Variants in EXT2 observed in about 807,000 individuals in gnomAD.
EXT2 encodes the protein exostosin-2.
EXT2 carries 53 observed loss-of-function variants against 81.6 expected under a neutral mutation model. That is an observed-to-expected ratio of 0.65 (90% CI 0.52 to 0.82). The LOEUF is 0.82. Among genes scored for constraint, EXT2 ranks in the 40% least tolerant of loss-of-function variants. EXT2 has a pLI of 0.00. For missense variants in EXT2, 774 were observed against 910.2 expected (o/e 0.85, Z 1.93); for synonymous variants, 320 against 340.0 (o/e 0.94, Z 0.65).
intron 7 of EXT2, among the ~76,000 whole-genome samples, chr11:44,169,877 C>T (rs1590616903): frequency 6.6e-6 from 1 of 152,056 alleles, no homozygotes; most frequent in East Asian, 1.9e-4. Flanking sequence ...TCGCAATAGA[C>T]AAGCTTTGAG....
Position 44,246,879 on chromosome 11 carries a change from C to T in EXT2, c.*2592C>T, listed in dbSNP as rs563742256. On this transcript the variant is annotated 3_prime_UTR_variant, in exon 14 of 14. Coordinates refer to ENST00000533608, the MANE Select transcript of EXT2 (RefSeq NM_207122.2). The stretch of plus-strand genomic sequence containing the variant: ...AGAACAATCATGCTAATTAAAATGT[C>T]GTGTTCTGGCCTACAGCAGACAACA... Among the ~76,000 whole-genome samples, 13 of 152,306 alleles carry T rather than the reference C, an allele frequency of 8.5e-5. No homozygotes were observed. Among genetic ancestry groups the T allele is most frequent in the Non-Finnish European group, 1.5e-4 (10 of 68,016 alleles).
At chr11:44,131,979 G>A (rs1039224159) in intron 7 of EXT2, among the ~76,000 whole-genome samples, 33 of 152,222 alleles carry the variant, frequency 2.2e-4, no homozygotes, top group African/African-American at 7.7e-4. Context: ...CAAGTGATCC[G>A]CCCGCCTCGG....
At chr11:44,166,275 G>T (rs1374527369) in intron 7 of EXT2, among the ~76,000 whole-genome samples, 1 of 152,190 alleles carries the variant, frequency 6.6e-6, no homozygotes, top group African/African-American at 2.4e-5. Context: ...ATCAGTAAAG[G>T]TTTCATAGGG....
At chr11:44,097,681 C>T (rs2134937511) in intron 1 of EXT2, among the ~76,000 whole-genome samples, 1 of 151,902 alleles carries the variant, frequency 6.6e-6, no homozygotes, top group South Asian at 2.1e-4. Flanking sequence ...ATCCCAGCTA[C>T]TTGGGAGGCT....
intron 6 of EXT2, among the ~76,000 whole-genome samples, chr11:44,128,430 T>C (rs1171011635): frequency 3.3e-5 from 5 of 152,222 alleles, no homozygotes; most frequent in Non-Finnish European, 7.3e-5. Context: ...ATTAAGTACC[T>C]TTTATTTACC....
intron 8 of EXT2, among the ~76,000 whole-genome samples, chr11:44,184,612 G>A (rs963588778): frequency 4.6e-5 from 7 of 152,134 alleles, no homozygotes; most frequent in African/African-American, 1.7e-4. Context: ...TTAGCTGGGC[G>A]TGGTGGCGGG....
In EXT2 at chr11:44,176,396, T is replaced by C. The variant is rs113710962; in HGVS notation, c.1305+4654T>C. On this transcript the variant is annotated intron_variant, in intron 8 of 13. Coordinates refer to ENST00000533608, the MANE Select transcript of EXT2 (RefSeq NM_207122.2). ...ACAGAATGGTCAAAGTGCTAAACTC[T>C]TAACAATTTGAGAGGTAACATAAGC... Among the ~76,000 whole-genome samples the C allele has an allele frequency of 7.6e-4, 116 of 152,350 alleles. 1 individual carries two copies. Among genetic ancestry groups the C allele is most frequent in the Non-Finnish European group, 1.4e-3 (95 of 68,030 alleles).
chr11:44,177,292 A>G (rs1386346810), intron 8 of EXT2, among the ~76,000 whole-genome samples: 1 of 152,198 alleles, frequency 6.6e-6, no homozygotes, highest in East Asian at 1.9e-4. Context: ...CAGTCTCTTC[A>G]TGCTTTTATT....
chr11:44,126,199 A>C (rs1254959348), intron 5 of EXT2, among the ~76,000 whole-genome samples: 1 of 152,170 alleles, frequency 6.6e-6, no homozygotes, highest in Non-Finnish European at 1.5e-5. Context: ...AGGGGGTTTG[A>C]GGGAGTGAAT....
intron 4 of EXT2, among the ~76,000 whole-genome samples, chr11:44,123,801 A>T (rs1954353341): frequency 1.3e-5 from 2 of 152,046 alleles, no homozygotes. Context: ...CTTGTCTTCC[A>T]GGAGGGAATT....
rs1554942457 is a variant in EXT2 at position 44,244,583 on chromosome 11, C to T, written c.*296C>T. 2 of 450,548 alleles carry T rather than the reference C, an allele frequency of 4.4e-6. No individual in the cohort carries two copies. The highest frequency in any genetic ancestry group is 3.8e-5 in the East Asian group (1 of 26,214). 27.9% of individuals were successfully genotyped at this position (450,548 alleles called of 1,614,324 possible). On this transcript the variant is annotated 3_prime_UTR_variant, in exon 14 of 14. Coordinates refer to ENST00000533608, the MANE Select transcript of EXT2 (RefSeq NM_207122.2). ...CCAGATTTAAATCCAGCTGAGGCTCCCTTTGTTTTCAGTTCCATGTAACAA... is the reference window on the plus strand; with the variant it reads ...CCAGATTTAAATCCAGCTGAGGCTCTCTTTGTTTTCAGTTCCATGTAACAA...
chr11:44,123,370 G>A (rs765820257), intron 4 of EXT2, among the ~76,000 whole-genome samples: 1 of 152,210 alleles, frequency 6.6e-6, no homozygotes, highest in Admixed American at 6.5e-5. Context: ...TGAGAGATAC[G>A]TAGCCCTAGT....
At chr11:44,239,850 G>T (rs749669686) in intron 13 of EXT2, among the ~76,000 whole-genome samples, 1 of 151,792 alleles carries the variant, frequency 6.6e-6, no homozygotes, top group East Asian at 1.9e-4. Context: ...GTCATCCCTC[G>T]GTATCCACAG....
intron 4 of EXT2, among the ~76,000 whole-genome samples, chr11:44,119,642 A>C (rs1316898240): frequency 2.0e-5 from 3 of 152,188 alleles, no homozygotes; most frequent in Non-Finnish European, 4.4e-5. Context: ...ACAGTGAGCC[A>C]CTCTTATCAG....
At chr11:44,229,368 G>A (rs1955872020) in intron 10 of EXT2, among the ~76,000 whole-genome samples, 1 of 152,198 alleles carries the variant, frequency 6.6e-6, no homozygotes, top group African/African-American at 2.4e-5. Flanking sequence ...GTTTGACATG[G>A]ATTCATTTGT....
rs746206387 is a variant in EXT2 at position 44,197,915 on chromosome 11, C to A, written c.1392C>A (p.Asp464Glu). The A allele has an allele frequency of 6.2e-7, 1 of 1,614,118 alleles. No homozygotes were observed. Among genetic ancestry groups the A allele is most frequent in the African/African-American group, 1.3e-5 (1 of 75,034 alleles). The change falls in exon 9 of 14, where the codon GAC becomes GAA. Residue 464 changes from aspartate to glutamate, a missense_variant. This residue lies in a region of EXT2 where 626 missense variants were observed against 670.5 expected (regional missense o/e 0.93). Transcript: ENST00000533608. ...TCACCGCCATAGTCCTCACCTACGA[C>A]CGAGTAGAGAGCCTCTTCCGGGTCA... ...QGFTAIVLTYDRVESLFRVIT... is the reference protein window; with the variant it reads ...QGFTAIVLTYERVESLFRVIT...
At chr11:44,214,138 C>T (rs1242109490) in intron 10 of EXT2, among the ~76,000 whole-genome samples, 1 of 151,540 alleles carries the variant, frequency 6.6e-6, no homozygotes, top group Non-Finnish European at 1.5e-5. Context: ...TTTTTTGAGA[C>T]GGAGTCTCTC....
At chr11:44,204,867 T>C (rs994232311) in intron 9 of EXT2, among the ~76,000 whole-genome samples, 2 of 152,160 alleles carry the variant, frequency 1.3e-5, no homozygotes, top group Non-Finnish European at 2.9e-5. Flanking sequence ...AGGATGACTG[T>C]TATAATGTAT....
At chr11:44,185,641 C>T (rs183330481) in intron 8 of EXT2, among the ~76,000 whole-genome samples, 1 of 152,166 alleles carries the variant, frequency 6.6e-6, no homozygotes, top group African/African-American at 2.4e-5. Context: ...TCTTTCCACT[C>T]TGTATCAACT....
Sources: allele counts gnomAD v4.1 joint callset (sites outside exome capture counted in the v4.1 genomes callset), GRCh38; gene constraint gnomAD v4.1.1; regional missense constraint gnomAD v4.1.1; transcripts MANE v1.5; gene names NCBI Gene and HGNC (gene_info 2026-07-23, HGNC 2026-07-21).